Variants in MYOZ2 observed in about 807,000 individuals in gnomAD.
MYOZ2 encodes the protein myozenin 2.
MYOZ2 carries 19 observed loss-of-function variants against 25.4 expected under a neutral mutation model. That is an observed-to-expected ratio of 0.75 (90% confidence interval 0.52 to 1.10). The LOEUF is 1.10. MYOZ2 is among the 50% of genes least tolerant of loss of function. The probability of loss-of-function intolerance (pLI) is 0.00; values close to 1 mark genes in which losing one functional copy is unlikely to be tolerated. For synonymous variants in MYOZ2, 92 were observed against 106.9 expected, an observed-to-expected ratio of 0.86 and a Z score of 0.86; for missense variants, 270 against 317.9, an observed-to-expected ratio of 0.85 and a Z score of 1.15.
chr4:119,167,387 C>A (rs11098491), intron 5 of MYOZ2, among the ~76,000 whole-genome samples: 1 of 151,980 alleles, frequency 6.6e-6, no homozygotes, highest in Admixed American at 6.5e-5. Flanking sequence ...AAGGGAGTTG[C>A]AGAAGAAAAG....
intron 4 of MYOZ2, among the ~76,000 whole-genome samples, 161 bp downstream of exon 4, chr4:119,158,312 T>A (rs572795146): frequency 6.6e-6 from 1 of 152,254 alleles, no homozygotes; most frequent in Admixed American, 6.5e-5. Context: ...TCCCAGCACT[T>A]TGGGAGACTG....
At chr4:119,174,108 C>T (rs1578743924) in intron 5 of MYOZ2, among the ~76,000 whole-genome samples, 1 of 152,204 alleles carries the variant, frequency 6.6e-6, no homozygotes. Flanking sequence ...GCCTCCCCGA[C>T]GAGTGCCACC....
chr4:119,161,319 A>C (rs1418118396), intron 4 of MYOZ2, among the ~76,000 whole-genome samples: 1 of 152,152 alleles, frequency 6.6e-6, no homozygotes, highest in Non-Finnish European at 1.5e-5. Flanking sequence ...CTTCCTTCTG[A>C]GTAGATAAGT....
At chr4:119,164,617 T>C (rs1241261356) in intron 5 of MYOZ2, among the ~76,000 whole-genome samples, 1 of 152,188 alleles carries the variant, frequency 6.6e-6, no homozygotes, top group Non-Finnish European at 1.5e-5. Context: ...AAGGAAATGA[T>C]TCAGAAACTA....
chr4:119,170,456 G>A (rs2149227101), intron 5 of MYOZ2, among the ~76,000 whole-genome samples: 1 of 152,164 alleles, frequency 6.6e-6, no homozygotes, highest in Non-Finnish European at 1.5e-5. Context: ...CTCTTGATAT[G>A]TGTAGTCCTT....
At chr4:119,147,634 C>T (rs936602285) in intron 2 of MYOZ2, among the ~76,000 whole-genome samples, 2 of 151,462 alleles carry the variant, frequency 1.3e-5, no homozygotes, top group Admixed American at 1.3e-4. Context: ...ATCCCAGCTA[C>T]TCGGGAGGCT....
At chr4:119,167,869 A>T (rs1741857349) in intron 5 of MYOZ2, among the ~76,000 whole-genome samples, 1 of 152,230 alleles carries the variant, frequency 6.6e-6, no homozygotes, top group Non-Finnish European at 1.5e-5. Context: ...TACTCTTGAG[A>T]CCTATTGCTC....
chr4:119,186,446 C>A lies in MYOZ2; in HGVS notation c.*246C>A. Reference sequence around the variant, plus strand: ...TTTGTTTTCACCTGGTTTAAAGAATCCAGATATTTTACTGCAAAAGTTCAG... The same window carrying A: ...TTTGTTTTCACCTGGTTTAAAGAATACAGATATTTTACTGCAAAAGTTCAG... On this transcript the variant is annotated 3_prime_UTR_variant, in exon 6 of 6. Transcript: ENST00000307128. 4.2e-6 allele frequency: 2 copies of A among 470,814 alleles called. No homozygotes were observed. The highest frequency in any genetic ancestry group is 2.6e-5 in the South Asian group (1 of 37,954). 29.2% of individuals were successfully genotyped at this position (470,814 alleles called of 1,614,324 possible).
chr4:119,171,436 T>C (rs953543779), intron 5 of MYOZ2, among the ~76,000 whole-genome samples: 1 of 152,096 alleles, frequency 6.6e-6, no homozygotes, highest in Non-Finnish European at 1.5e-5. Flanking sequence ...AAAAATCACA[T>C]AGGCAAAATA....
At chr4:119,160,570 T>A (rs1741685188) in intron 4 of MYOZ2, among the ~76,000 whole-genome samples, 1 of 152,180 alleles carries the variant, frequency 6.6e-6, no homozygotes, top group Admixed American at 6.5e-5. Flanking sequence ...ATGTGCATTT[T>A]ATTGACCATC....
chr4:119,163,881 A>C (rs1741761718), intron 4 of MYOZ2, among the ~76,000 whole-genome samples: 1 of 152,226 alleles, frequency 6.6e-6, no homozygotes, highest in Non-Finnish European at 1.5e-5. Context: ...TCTAAAGTCT[A>C]GTGTGAATTA....
chr4:119,148,356 T>C (rs1741356275), intron 2 of MYOZ2, among the ~76,000 whole-genome samples: 1 of 152,314 alleles, frequency 6.6e-6, no homozygotes, highest in South Asian at 2.1e-4. Context: ...AGGGTTCTCT[T>C]AGCTTCTCGA....
chr4:119,160,041 C>G (rs1741670424), intron 4 of MYOZ2, among the ~76,000 whole-genome samples: 1 of 152,140 alleles, frequency 6.6e-6, no homozygotes, highest in Admixed American at 6.5e-5. Context: ...GGGTTCAACC[C>G]TATGGCTCTT....
chr4:119,150,758 A>G (rs1054864523), intron 2 of MYOZ2, 114 bp from the exon 3 acceptor site: 9 of 1,039,612 alleles, frequency 8.7e-6, no homozygotes, highest in African/African-American at 1.6e-5. Flanking sequence ...AAAATAAATG[A>G]CATACTTATG....
At chr4:119,150,765 T>TA (rs1741428763) in intron 2 of MYOZ2, 107 bp from the exon 3 acceptor site, 31 of 1,122,728 alleles carry the variant, frequency 2.8e-5, no homozygotes, top group Middle Eastern at 4.7e-4. Context: ...ATGACATACT[T>TA]ATGATTATGC....
intron 5 of MYOZ2, among the ~76,000 whole-genome samples, chr4:119,165,361 A>T (rs1267497222): frequency 6.6e-6 from 1 of 151,402 alleles, no homozygotes; most frequent in Non-Finnish European, 1.5e-5. Context: ...AAATACAAAA[A>T]TTAGCCAAGA....
At chr4:119,143,730 G>A (rs1258827023) in intron 2 of MYOZ2, among the ~76,000 whole-genome samples, 1 of 152,066 alleles carries the variant, frequency 6.6e-6, no homozygotes, top group Non-Finnish European at 1.5e-5. Context: ...CCAAGTCCCT[G>A]GCAACTACTG....
At chr4:119,185,601 CA>C in intron 5 of MYOZ2, among the ~76,000 whole-genome samples, 1 of 152,318 alleles carries the variant, frequency 6.6e-6, no homozygotes, top group African/African-American at 2.4e-5. Context: ...GGGCATGAGC[CA>C]CCACGCCCGG....
At chr4:119,174,807 A>G (rs1742023294) in intron 5 of MYOZ2, among the ~76,000 whole-genome samples, 1 of 152,108 alleles carries the variant, frequency 6.6e-6, no homozygotes, top group Non-Finnish European at 1.5e-5. Flanking sequence ...AAATCTTGCT[A>G]CTGCTCACTT....
Sources: allele counts gnomAD v4.1 joint callset (sites outside exome capture counted in the v4.1 genomes callset), GRCh38; gene constraint gnomAD v4.1.1; transcripts MANE v1.5; gene names NCBI Gene and HGNC (gene_info 2026-07-23, HGNC 2026-07-21).